MAML2: variants seen among roughly 807,000 people sequenced by gnomAD.
MAML2 encodes mastermind like transcriptional coactivator 2.
In MAML2, 22 loss-of-function variants were observed where a neutral mutation model predicts 96.1. The ratio of observed to expected loss-of-function variants is 0.23; its 90% confidence interval spans 0.16 to 0.33. The LOEUF (loss-of-function observed/expected upper bound fraction) is 0.33. Ranked by LOEUF, MAML2 falls within the 10% of genes least tolerant of loss-of-function variation. The pLI is 1.00. For missense variants in MAML2, 1,367 were observed against 1,392.4 expected (o/e 0.98, Z 0.29); for synonymous variants, 561 against 521.3 (o/e 1.08, Z -1.04).
chr11:96,211,038 G>A (rs1861963880), intron 1 of MAML2, among the ~76,000 whole-genome samples: 1 of 151,772 alleles, frequency 6.6e-6, no homozygotes, highest in Non-Finnish European at 1.5e-5. Flanking sequence ...ACCTATCTTT[G>A]GATTTTATAT....
chr11:96,252,051 C>T (rs1384290360), intron 1 of MAML2, among the ~76,000 whole-genome samples: 2 of 152,112 alleles, frequency 1.3e-5, no homozygotes, highest in African/African-American at 2.4e-5. Context: ...CCTTTCAACA[C>T]CAGACGGAGT....
chr11:96,245,988 C>A (rs1862507267), intron 1 of MAML2, among the ~76,000 whole-genome samples: 2 of 152,228 alleles, frequency 1.3e-5, no homozygotes, highest in South Asian at 2.1e-4. Context: ...CAGGTGTGAG[C>A]CACTGTGCCC....
At chr11:96,274,419 A>G (rs773008925) in intron 1 of MAML2, among the ~76,000 whole-genome samples, 1 of 152,132 alleles carries the variant, frequency 6.6e-6, no homozygotes, top group Non-Finnish European at 1.5e-5. Context: ...TTTTCTTTAT[A>G]GACATCTTTA....
chr11:96,121,396 T>A (rs1860337689), intron 1 of MAML2, among the ~76,000 whole-genome samples: 1 of 152,106 alleles, frequency 6.6e-6, no homozygotes, highest in Non-Finnish European at 1.5e-5. Context: ...GAGACATGAT[T>A]CCCCAGTAAC....
At chr11:96,294,129 T>G (rs1863253621) in intron 1 of MAML2, among the ~76,000 whole-genome samples, 2 of 152,182 alleles carry the variant, frequency 1.3e-5, no homozygotes, top group African/African-American at 4.8e-5. Context: ...CTTAATTATC[T>G]TTGCCCCAAA....
Position 96,109,042 on chromosome 11 carries a change from C to A in MAML2, c.514-15525G>T, listed in dbSNP as rs937716048. Among the ~76,000 whole-genome samples the A allele has an allele frequency of 3.4e-4, 51 of 151,232 alleles. 1 individual carries two copies. The highest frequency in any genetic ancestry group is 6.6e-5 in the Admixed American group (1 of 15,152). On this transcript the variant is annotated intron_variant, in intron 1 of 4. Transcript: ENST00000524717. ...TTTCAAAAAAAAAAAAATGTATAAG[C>A]AACTTGACTAAGTTCATCCAGTCAG...
chr11:96,099,257 A>G lies in MAML2; in HGVS notation c.514-5740T>C, dbSNP rs2135819555. Among the ~76,000 whole-genome samples the G allele has an allele frequency of 2.6e-5, 4 of 152,314 alleles. No individual in the cohort carries two copies. In the South Asian group the frequency reaches 8.3e-4, roughly 32 times the overall value. On this transcript the variant is annotated intron_variant, in intron 1 of 4. Coordinates refer to ENST00000524717, the MANE Select transcript of MAML2 (RefSeq NM_032427.4). ...TAGAAAGAGACCAATCCGAAAGCTA[A>G]TATATGACTCTTGATTTGATTCTTG...
At chr11:96,044,253 G>T (rs1237839307) in intron 2 of MAML2, among the ~76,000 whole-genome samples, 5 of 152,340 alleles carry the variant, frequency 3.3e-5, no homozygotes, top group Admixed American at 3.3e-4. Context: ...GTGGACTCTA[G>T]GTGCCAGCAG....
intron 4 of MAML2, among the ~76,000 whole-genome samples, chr11:95,981,086 G>A (rs1857729322): frequency 6.6e-6 from 1 of 152,322 alleles, no homozygotes; most frequent in African/African-American, 2.4e-5. Context: ...CAATCTGTGA[G>A]GTGGGAAACC....
rs568215293 is a variant in MAML2, at chr11:96,341,429, G to A, written c.467C>T (p.Pro156Leu). Reference sequence around the variant, plus strand: ...CTGGTCCCCTGGGGTTGAAGCGGGCGGCTGCTGCTCTCCGTTTATCCCACC... The same window carrying A: ...CTGGTCCCCTGGGGTTGAAGCGGGCAGCTGCTGCTCTCCGTTTATCCCACC... ...GSGGINGEQQ[P>L]PASTPGDQRN... The change falls in exon 1 of 5, where the codon CCG (proline) becomes CTG (leucine). Residue 156 changes from proline to leucine, a missense_variant. Transcript: ENST00000524717. 17 of 1,548,298 alleles carry A rather than the reference G, an allele frequency of 1.1e-5. No individual in the cohort carries two copies. In the East Asian group the frequency reaches 1.5e-4, roughly 13 times the overall value.
chr11:96,086,060 T>C (rs1422320710), intron 2 of MAML2, among the ~76,000 whole-genome samples: 1 of 152,202 alleles, frequency 6.6e-6, no homozygotes, highest in Non-Finnish European at 1.5e-5. Context: ...ATAGAATGGA[T>C]TGTTAAGGAT....
intron 1 of MAML2, among the ~76,000 whole-genome samples, chr11:96,156,716 T>C (rs1399253586): frequency 6.6e-6 from 1 of 152,182 alleles, no homozygotes; most frequent in Non-Finnish European, 1.5e-5. Flanking sequence ...AAGTAAAGAA[T>C]GGTCATGGTT....
intron 1 of MAML2, among the ~76,000 whole-genome samples, chr11:96,116,651 G>A (rs1262614152): frequency 6.6e-6 from 1 of 152,142 alleles, no homozygotes; most frequent in Non-Finnish European, 1.5e-5. Flanking sequence ...GAAGAAGGTG[G>A]GAAAACAAAT....
rs1425132834 is a variant in MAML2, at chr11:96,251,755, G to A, written c.513+89628C>T. On this transcript the variant is annotated intron_variant, in intron 1 of 4. Transcript: ENST00000524717. ...ACCCTTTTTTTTTTTTTTTTGAGAC[G>A]GAGTCTCACTCTGTCACCCAGGCTG... 4.7e-5 allele frequency among the ~76,000 whole-genome samples: 7 copies of A among 148,772 alleles called. No homozygotes were observed. The South Asian group carries it at 1.1e-3, about 23-fold the overall frequency.
chr11:96,297,330 T>C (rs1000036091), intron 1 of MAML2, among the ~76,000 whole-genome samples: 1 of 152,172 alleles, frequency 6.6e-6, no homozygotes, highest in Non-Finnish European at 1.5e-5. Context: ...ATCCCAGCAC[T>C]TTGGGAAACC....
intron 2 of MAML2, among the ~76,000 whole-genome samples, chr11:96,041,975 A>ATTTT (rs549945518): frequency 8.2e-6 from 1 of 121,796 alleles, no homozygotes; most frequent in Non-Finnish European, 1.7e-5. Context: ...CGCCCGGCTA[A>ATTTT]TTTTTTTTTT....
chr11:96,307,229 C>T (rs1265274853), intron 1 of MAML2, among the ~76,000 whole-genome samples: 1 of 152,182 alleles, frequency 6.6e-6, no homozygotes, highest in East Asian at 1.9e-4. Flanking sequence ...TGCAGCCAGC[C>T]TCTTAGAACT....
intron 2 of MAML2, among the ~76,000 whole-genome samples, chr11:96,006,914 C>T (rs1858190568): frequency 6.9e-6 from 1 of 144,768 alleles, no homozygotes; most frequent in Non-Finnish European, 1.5e-5. Context: ...CACACACACA[C>T]ACGAGTATTT....
chr11:96,277,849 A>G (rs116665937), intron 1 of MAML2, among the ~76,000 whole-genome samples: 3,772 of 152,180 alleles, frequency 0.025, 63 homozygotes, highest in Middle Eastern at 0.054. Flanking sequence ...AAAGTTAATA[A>G]GGTAAACAAA....
Sources: gnomAD v4.1 joint callset for allele counts (sites outside exome capture counted in the v4.1 genomes callset) on GRCh38, gnomAD v4.1.1 for gene constraint, MANE v1.5 for transcripts, NCBI Gene and HGNC (gene_info 2026-07-23, HGNC 2026-07-21) for gene names.